Variants in RNF40 observed in about 807,000 individuals in gnomAD.
The protein encoded by RNF40 is ring finger protein 40, also known as E3 ubiquitin-protein ligase BRE1B.
A neutral mutation model predicts 123.3 loss-of-function variants in RNF40; 39 were observed. The observed-to-expected ratio is 0.32, with a 90% confidence interval of 0.24 to 0.41. The LOEUF (loss-of-function observed/expected upper bound fraction) is 0.41, where lower values mean the gene tolerates loss of function less well. Among genes scored for constraint, RNF40 ranks in the 10% least tolerant of loss-of-function variants. The probability of loss-of-function intolerance (pLI) is 1.00; values close to 1 mark genes in which losing one functional copy is unlikely to be tolerated. For synonymous variants in RNF40, 538 were observed against 526.0 expected (o/e 1.02, Z -0.31); for missense variants, 1,003 against 1,319.9 (o/e 0.76, Z 3.72).
At position 30,768,862 on chromosome 16, in the gene RNF40, C is replaced by T. The variant is rs768875335; in HGVS notation, c.2122C>T (p.Arg708Trp). 1.2e-5 allele frequency: 19 copies of T among 1,614,084 alleles called. No homozygotes were observed. Among genetic ancestry groups the T allele is most frequent in the Middle Eastern group, 3.3e-4 (2 of 6,084 alleles). Reference sequence around the variant, plus strand: ...GGTTGATGAGCTGCGGAGCCGCATCCGGGAATTGGAGGAGAGGGATCGAAG... The same window carrying T: ...GGTTGATGAGCTGCGGAGCCGCATCTGGGAATTGGAGGAGAGGGATCGAAG... ...AEVDELRSRI[R>W]ELEERDRRES... is the part of the protein sequence containing the mutation. Residue 708 changes from arginine to tryptophan, a missense_variant, in exon 15 of 20, where the codon CGG becomes TGG. Coordinates refer to ENST00000324685, the MANE Select transcript of RNF40 (RefSeq NM_014771.4). This position sits in a 1 kb window ranked among gnomAD's most constrained non-coding sequence, Gnocchi z 4.1.
At position 30,772,210 on chromosome 16, in the gene RNF40, T is replaced by G; in HGVS notation, c.2829+20T>G. On this transcript the variant is annotated intron_variant, in intron 19 of 19. Coordinates refer to ENST00000324685, the MANE Select transcript of RNF40 (RefSeq NM_014771.4). ...TACAAGGTGGGGCTGTGGGCCAAGT[T>G]GTGCCCTATCCACCTGAGAATTGTA... 1 of 1,534,904 alleles carries G rather than the reference T, an allele frequency of 6.5e-7. No individual in the cohort carries two copies. Among genetic ancestry groups the G allele is most frequent in the Admixed American group, 2.0e-5 (1 of 50,998 alleles).
rs371338309 is a variant in RNF40, at chr16:30,769,619, G to A, written c.2586+19G>A. 2 of 1,526,908 alleles carry A rather than the reference G, an allele frequency of 1.3e-6. No homozygotes were observed. The highest frequency in any genetic ancestry group is 2.4e-5 in the East Asian group (1 of 41,824). The allele number at this position is 1,526,908 out of a possible 1,614,324, so 94.6% of individuals were successfully genotyped here. ...GCGGAAGGTGAGGCTGGGCCAGGGG[G>A]ACACACAGCTTGGGCTGCTGGCTCA... On this transcript the variant is annotated intron_variant, in intron 17 of 19. Transcript: ENST00000324685.
intron 2 of RNF40, 88 bp downstream of exon 2, chr16:30,762,765 T>G (rs1458252063): frequency 2.6e-6 from 4 of 1,531,760 alleles, no homozygotes; most frequent in African/African-American, 1.4e-5. Context: ...TACACCCACT[T>G]CCCCAAGTTT....
chr16:30,771,873 A>T lies in RNF40; in HGVS notation c.2627A>T (p.Gln876Leu). The T allele has an allele frequency of 6.2e-7, 1 of 1,607,560 alleles. No homozygotes were observed. Among genetic ancestry groups the T allele is most frequent in the African/African-American group, 1.3e-5 (1 of 74,910 alleles). ...AAQLAEDLKV[Q>L]LEHVQTRLRE... ...CAGCTGGCCGAGGACCTGAAGGTGC[A>T]GCTGGAGCACGTGCAGACTCGGCTG... is the stretch of plus-strand genomic sequence containing the variant. Residue 876 changes from glutamine to leucine, a missense_variant, in exon 18 of 20, where the codon CAG (glutamine) becomes CTG (leucine). Physicochemically the swap from Gln to Leu is moderately radical, Grantham distance 113. Coordinates refer to ENST00000324685, the MANE Select transcript of RNF40 (RefSeq NM_014771.4).
chr16:30,766,070 G>T lies in RNF40; in HGVS notation c.994-93G>T. On this transcript the variant is annotated intron_variant, in intron 8 of 19. Coordinates refer to ENST00000324685, the MANE Select transcript of RNF40 (RefSeq NM_014771.4). The surrounding 1 kb of genome is among the most constrained non-coding windows in gnomAD (Gnocchi z 5.4). ...TCAGAATCGATCATTGCCCTGCACGGGGTGCTTGGGGTGGAGTGTATGCTG... is the reference window on the plus strand; with the variant it reads ...TCAGAATCGATCATTGCCCTGCACGTGGTGCTTGGGGTGGAGTGTATGCTG... 1 of 1,563,650 alleles carries T rather than the reference G, an allele frequency of 6.4e-7. No individual in the cohort carries two copies. Among genetic ancestry groups the T allele is most frequent in the Non-Finnish European group, 8.8e-7 (1 of 1,140,084 alleles).
intron 11 of RNF40, chr16:30,767,657 A>C (rs1324043055): frequency 2.2e-6 from 1 of 455,896 alleles, no homozygotes; most frequent in Non-Finnish European, 3.9e-6. Flanking sequence ...AAAAAAACAA[A>C]AAACCCCACA....
Position 30,768,714 on chromosome 16 carries a change from C to T in RNF40, c.2075C>T (p.Ala692Val), listed in dbSNP as rs760779998. 8.1e-6 allele frequency: 13 copies of T among 1,614,002 alleles called. 1 individual carries two copies. The highest frequency in any genetic ancestry group is 6.6e-5 in the South Asian group (6 of 91,084). ...EQRDKVQLMA[A>V]ERKAKAEVDE... ...CGGGATAAGGTGCAGCTCATGGCAG[C>T]GGAACGCAAGGCTAAGGCCGAGGTG... Residue 692 changes from alanine (A) to valine (V), a missense_variant, in exon 14 of 20, where the codon GCG (alanine) becomes GTG (valine). By Grantham distance (64) the Ala-to-Val change is moderately conservative. Transcript: ENST00000324685. This position sits in a 1 kb window ranked among gnomAD's most constrained non-coding sequence, Gnocchi z 4.1.
intron 5 of RNF40, 85 bp from the exon 6 acceptor site, chr16:30,764,853 C>T: frequency 3.3e-6 from 5 of 1,515,428 alleles, no homozygotes; most frequent in Non-Finnish European, 4.4e-6. Flanking sequence ...GTGGATCACA[C>T]TGGGTATATA....
In RNF40 at chr16:30,768,496, T is replaced by C; in HGVS notation, c.1945T>C (p.Ser649Pro). 2.1e-5 allele frequency: 33 copies of C among 1,609,758 alleles called. No individual in the cohort carries two copies. Among genetic ancestry groups the C allele is most frequent in the Non-Finnish European group, 2.8e-5 (33 of 1,177,426 alleles). The stretch of plus-strand genomic sequence containing the variant: ...GGTGGAAGAAACCAAGCGGAAGGAA[T>C]CAGAACTCCTCAAGGGTCTCCGAGC... ...AKVEETKRKESELLKGLRAEL... is the reference protein window; with the variant it reads ...AKVEETKRKEPELLKGLRAEL... Residue 649 changes from serine to proline, a missense_variant, in exon 13 of 20, where the codon TCA becomes CCA. By Grantham distance (74) the Ser-to-Pro change is moderately conservative. Around this residue, in one of 11 missense-constraint regions of RNF40, gnomAD observed 295 missense variants for 331.7 expected, o/e 0.89. Coordinates refer to ENST00000324685, the MANE Select transcript of RNF40 (RefSeq NM_014771.4). The surrounding 1 kb of genome is among the most constrained non-coding windows in gnomAD (Gnocchi z 4.1).
Position 30,765,422 on chromosome 16 carries a change from C to T in RNF40, c.919-3C>T, listed in dbSNP as rs2054010318. The T allele has an allele frequency of 6.2e-7, 1 of 1,614,240 alleles. No individual in the cohort carries two copies. Among genetic ancestry groups the T allele is most frequent in the Non-Finnish European group, 8.5e-7 (1 of 1,180,024 alleles). On this transcript the variant is annotated splice_region_variant and splice_polypyrimidine_tract_variant and intron_variant, in intron 7 of 19. Coordinates refer to ENST00000324685, the MANE Select transcript of RNF40 (RefSeq NM_014771.4). ...CCATTGCCTGTCTGTTTTCTCTCCACAGCTTAACTCTGGCTACTATGTATC... is the reference window on the plus strand; with the variant it reads ...CCATTGCCTGTCTGTTTTCTCTCCATAGCTTAACTCTGGCTACTATGTATC...
Position 30,770,127 on chromosome 16 carries a change from G to C in RNF40, c.2586+527G>C, listed in dbSNP as rs546338427. ...GGGAAAAAAAACAAAAGATTTTTGA[G>C]TTGGAGTCTTGTTCTGTCGCCCGGG... On this transcript the variant is annotated intron_variant, in intron 17 of 19. Coordinates refer to ENST00000324685, the MANE Select transcript of RNF40 (RefSeq NM_014771.4). Among the ~76,000 whole-genome samples, 3 of 3,642 alleles carry C rather than the reference G, an allele frequency of 8.2e-4. No homozygotes were observed. In the East Asian group the frequency reaches 0.015, roughly 19 times the overall value. The allele number at this position is 3,642 out of a possible 152,430, so 2.4% of individuals were successfully genotyped here.
chr16:30,766,834 C>T lies in RNF40; in HGVS notation c.1387C>T (p.Arg463Cys). The T allele has an allele frequency of 1.2e-6, 2 of 1,613,856 alleles. No individual in the cohort carries two copies. The highest frequency in any genetic ancestry group is 1.7e-6 in the Non-Finnish European group (2 of 1,179,986). The change falls in exon 11 of 20, where the codon CGC becomes TGC. Residue 463 changes from arginine to cysteine, a missense_variant. By Grantham distance (180) the Arg-to-Cys change is radical (BLOSUM62 -3). Around this residue, in one of 11 missense-constraint regions of RNF40, gnomAD observed 30 missense variants for 68.9 expected, o/e 0.44. Coordinates refer to ENST00000324685, the MANE Select transcript of RNF40 (RefSeq NM_014771.4). This position sits in a 1 kb window ranked among gnomAD's most constrained non-coding sequence, Gnocchi z 5.4. ...GGTACGCAAGGAGTATGAGATGCTG[C>T]GCATCGAGTTTGAGCAGAATCTGGC... is the stretch of plus-strand genomic sequence containing the variant. ...AQVRKEYEML[R>C]IEFEQNLAAN...
intron 2 of RNF40, 76 bp from the exon 3 acceptor site, chr16:30,763,042 C>T (rs2053916092): frequency 6.5e-7 from 1 of 1,536,730 alleles, no homozygotes; most frequent in Non-Finnish European, 8.9e-7. Flanking sequence ...AGATGCTCTG[C>T]TCCTCTTTCT....
At chr16:30,762,717 G>A in intron 2 of RNF40, 40 bp downstream of exon 2, 1 of 1,600,710 alleles carries the variant, frequency 6.2e-7, no homozygotes, top group Non-Finnish European at 8.5e-7. Flanking sequence ...ACTTCCCAGA[G>A]CCCTCCCTCT....
intron 19 of RNF40, 52 bp from the exon 20 acceptor site, chr16:30,773,886 G>A (rs1039683766): frequency 1.3e-5 from 20 of 1,565,434 alleles, no homozygotes; most frequent in Non-Finnish European, 1.6e-5. Context: ...GTCAGCTTGG[G>A]GTCTGGGCAC....
At chr16:30,773,249 G>A (rs561382741) in intron 19 of RNF40, among the ~76,000 whole-genome samples, 1 of 151,902 alleles carries the variant, frequency 6.6e-6, no homozygotes, top group East Asian at 1.9e-4. Context: ...GGCAGAGGCA[G>A]CTGGAGGCAG....
intron 5 of RNF40, among the ~76,000 whole-genome samples, chr16:30,764,711 C>T (rs1252187714): frequency 1.3e-5 from 2 of 152,224 alleles, no homozygotes; most frequent in Non-Finnish European, 2.9e-5. Context: ...TGACAGGCTT[C>T]TCCCACCTTA....
chr16:30,772,201 G>T lies in RNF40; in HGVS notation c.2829+11G>T, dbSNP rs1249278132. On this transcript the variant is annotated intron_variant, in intron 19 of 19. Transcript: ENST00000324685. ...ATCAAGGAGTACAAGGTGGGGCTGT[G>T]GGCCAAGTTGTGCCCTATCCACCTG... 1 of 1,546,836 alleles carries T rather than the reference G, an allele frequency of 6.5e-7. No homozygotes were observed. Among genetic ancestry groups the T allele is most frequent in the East Asian group, 2.4e-5 (1 of 40,900 alleles).
Position 30,766,870 on chromosome 16 carries a change from C to T in RNF40, c.1423C>T (p.Gln475Ter). ...EFEQNLAANE[Q>*]AGPINREMRH... ...TGAGCAGAATCTGGCGGCCAACGAG[C>T]AGGCGGGTATGTGGTGAGGATAGGG... Residue 475 changes from glutamine (Q) to a stop codon, truncating the protein, a stop_gained, in exon 11 of 20, where the codon CAG becomes TAG. Transcript: ENST00000324685. LOFTEE classifies it high-confidence loss of function. The surrounding 1 kb of genome is among the most constrained non-coding windows in gnomAD (Gnocchi z 5.4). The T allele has an allele frequency of 1.2e-6, 2 of 1,613,084 alleles. No individual in the cohort carries two copies. Among genetic ancestry groups the T allele is most frequent in the Non-Finnish European group, 1.7e-6 (2 of 1,179,874 alleles).
Sources: gnomAD v4.1 joint callset for allele counts (sites outside exome capture counted in the v4.1 genomes callset) on GRCh38, gnomAD v4.1.1 for gene constraint, gnomAD v4.1.1 regional missense constraint, Gnocchi (gnomAD v3.1) non-coding constraint, MANE v1.5 for transcripts, NCBI Gene and HGNC (gene_info 2026-07-23, HGNC 2026-07-21) for gene names.